Variants in PALMD observed in about 807,000 individuals in gnomAD.
PALMD encodes the protein paralemmin-like protein.
In PALMD, 42 loss-of-function variants were observed where a neutral mutation model predicts 56.2. That is an observed-to-expected ratio of 0.75 (90% CI 0.58 to 0.97). The LOEUF (loss-of-function observed/expected upper bound fraction) is 0.97. Ranked by LOEUF, PALMD falls within the 50% of genes least tolerant of loss-of-function variation. PALMD has a pLI of 0.00. For synonymous variants in PALMD, 242 were observed against 222.9 expected (o/e 1.09, Z -0.76); for missense variants, 660 against 643.8 (o/e 1.03, Z -0.27).
At chr1:99,665,427 ATT>A (rs1652940504) in intron 2 of PALMD, among the ~76,000 whole-genome samples, 1 of 152,196 alleles carries the variant, frequency 6.6e-6, no homozygotes, top group Non-Finnish European at 1.5e-5. Flanking sequence ...ATCATATATC[ATT>A]TTGATTGCAC....
At chr1:99,657,715 A>T (rs1024066739) in intron 1 of PALMD, among the ~76,000 whole-genome samples, 5 of 151,936 alleles carry the variant, frequency 3.3e-5, no homozygotes, top group Admixed American at 1.3e-4. Flanking sequence ...ATCTATCCTC[A>T]CCTGGTTGTT....
intron 1 of PALMD, among the ~76,000 whole-genome samples, chr1:99,657,704 A>G (rs1652757115): frequency 1.3e-5 from 2 of 152,156 alleles, no homozygotes. Flanking sequence ...AGCTACTGAA[A>G]ATCTATCCTC....
chr1:99,680,688 G>A (rs1235157831), intron 3 of PALMD, among the ~76,000 whole-genome samples: 4 of 152,160 alleles, frequency 2.6e-5, no homozygotes, highest in Admixed American at 6.5e-5. Flanking sequence ...GAAAGTTAGA[G>A]AGTTACCCCA....
chr1:99,660,098 G>A (rs570447503), intron 1 of PALMD, among the ~76,000 whole-genome samples: 3 of 152,310 alleles, frequency 2.0e-5, no homozygotes, highest in Non-Finnish European at 4.4e-5. Flanking sequence ...GGCTTTTCAC[G>A]GAGAGCTAGC....
chr1:99,657,324 C>T (rs1024138765), intron 1 of PALMD, among the ~76,000 whole-genome samples: 3 of 152,166 alleles, frequency 2.0e-5, no homozygotes, highest in Non-Finnish European at 2.9e-5. Flanking sequence ...TCTGTCTATG[C>T]GTCATTCTGC....
intron 2 of PALMD, among the ~76,000 whole-genome samples, chr1:99,667,116 C>A (rs1220302941): frequency 6.6e-6 from 1 of 152,158 alleles, no homozygotes; most frequent in Non-Finnish European, 1.5e-5. Flanking sequence ...ACAACAGCAA[C>A]CTTCTGTTTT....
chr1:99,662,840 G>A (rs1652876795), intron 2 of PALMD, among the ~76,000 whole-genome samples: 1 of 152,170 alleles, frequency 6.6e-6, no homozygotes, highest in South Asian at 2.1e-4. Context: ...TCAGTGCAAT[G>A]AGTCCAATGT....
intron 2 of PALMD, among the ~76,000 whole-genome samples, chr1:99,666,629 G>C (rs1052268199): frequency 3.9e-5 from 6 of 152,022 alleles, no homozygotes; most frequent in African/African-American, 1.4e-4. Flanking sequence ...AATCCCCAAT[G>C]AATAATTAAC....
chr1:99,650,059 T>A (rs1040979591), intron 1 of PALMD, among the ~76,000 whole-genome samples: 5 of 151,446 alleles, frequency 3.3e-5, no homozygotes, highest in African/African-American at 4.9e-5. Context: ...GGGATGGGAG[T>A]GCATTGTAAG....
At chr1:99,663,188 C>T (rs1312959742) in intron 2 of PALMD, among the ~76,000 whole-genome samples, 1 of 152,146 alleles carries the variant, frequency 6.6e-6, no homozygotes, top group East Asian at 1.9e-4. Context: ...ATGCAACTGA[C>T]TTCATTTTTC....
chr1:99,648,452 G>A (rs1045153373), intron 1 of PALMD, among the ~76,000 whole-genome samples: 3 of 152,192 alleles, frequency 2.0e-5, no homozygotes, highest in Non-Finnish European at 2.9e-5. Context: ...AGAGTATGCA[G>A]AGAGTTTGCA....
chr1:99,662,482 T>C lies in PALMD; in HGVS notation c.126+83T>C, dbSNP rs544229265. 17 of 835,338 alleles carry C rather than the reference T, an allele frequency of 2.0e-5. No homozygotes were observed. The African/African-American group carries it at 2.8e-4, about 14-fold the overall frequency. The allele number at this position is 835,338 out of a possible 1,614,324, so 51.7% of individuals were successfully genotyped here. A position where few individuals can be genotyped will look rare whatever the true frequency, so the allele number is the denominator to read the frequency against. ...CTCAAATTTCAATAGTAAAAAAGCT[T>C]TAGGAAAGAAAAAAATTTCAAGATA... On this transcript the variant is annotated intron_variant, in intron 2 of 7. Coordinates refer to ENST00000263174, the MANE Select transcript of PALMD (RefSeq NM_017734.5).
At chr1:99,693,560 G>A (rs1653711172) in intron 7 of PALMD, among the ~76,000 whole-genome samples, 2 of 152,216 alleles carry the variant, frequency 1.3e-5, no homozygotes, top group Admixed American at 1.3e-4. Context: ...TTTTGTTATT[G>A]TATATCCAAA....
At chr1:99,692,610 C>T (rs940755598) in intron 7 of PALMD, among the ~76,000 whole-genome samples, 3 of 152,136 alleles carry the variant, frequency 2.0e-5, no homozygotes. Context: ...ATGTCCACAG[C>T]ACACAGGATG....
chr1:99,653,305 C>T (rs1652638510), intron 1 of PALMD, among the ~76,000 whole-genome samples: 1 of 152,112 alleles, frequency 6.6e-6, no homozygotes, highest in South Asian at 2.1e-4. Context: ...CCAAATTTAC[C>T]ATCACCCCTT....
chr1:99,682,867 G>A (rs768559538), intron 3 of PALMD, among the ~76,000 whole-genome samples: 12 of 151,474 alleles, frequency 7.9e-5, no homozygotes, highest in African/African-American at 2.7e-4. Context: ...TTAGCCAGGC[G>A]TCGTGGTGCA....
At chr1:99,668,704 A>C (rs1363501084) in intron 3 of PALMD, 4 of 152,192 alleles carry the variant, frequency 2.6e-5, no homozygotes, top group African/African-American at 9.6e-5. Flanking sequence ...TTATTTTGTG[A>C]GATCAGTACA....
intron 3 of PALMD, chr1:99,683,165 A>AGAAAGAAAGAAAG (rs200315619): frequency 7.8e-6 from 1 of 128,468 alleles, no homozygotes. Flanking sequence ...AAAGAAAGAA[A>AGAAAGAAAGAAAG]GAAACGAACA....
intron 3 of PALMD, among the ~76,000 whole-genome samples, chr1:99,672,975 T>C (rs1339096944): frequency 6.6e-6 from 1 of 151,980 alleles, no homozygotes; most frequent in Non-Finnish European, 1.5e-5. Flanking sequence ...TGGGCAAAGG[T>C]GTATGTGAAG....
Sources: gnomAD v4.1 joint callset for allele counts (sites outside exome capture counted in the v4.1 genomes callset) on GRCh38, gnomAD v4.1.1 for gene constraint, MANE v1.5 for transcripts, NCBI Gene and HGNC (gene_info 2026-07-23, HGNC 2026-07-21) for gene names.